Variants in NRP1 observed in about 807,000 individuals in gnomAD.
The protein encoded by NRP1 is neuropilin 1.
Under a neutral mutation model 106.7 loss-of-function variants are expected in NRP1, and 35 were observed. That is an observed-to-expected ratio of 0.33 (90% CI 0.25 to 0.43). The LOEUF (loss-of-function observed/expected upper bound fraction) is 0.43. NRP1 is among the 20% of genes least tolerant of loss of function. The pLI, the probability that NRP1 is intolerant of heterozygous loss-of-function variation, is 1.00. For synonymous variants in NRP1, 437 were observed against 417.9 expected, an observed-to-expected ratio of 1.05 and a Z score of -0.56; for missense variants, 1,024 against 1,170.4, an observed-to-expected ratio of 0.87 and a Z score of 1.83.
intron 7 of NRP1, among the ~76,000 whole-genome samples, chr10:33,224,426 A>T (rs1839497454): frequency 6.6e-6 from 1 of 151,998 alleles, no homozygotes; most frequent in African/African-American, 2.4e-5. Flanking sequence ...AAAAATGGTC[A>T]TGTTGCTATT....
At chr10:33,230,607 G>A (rs1468055127) in intron 6 of NRP1, among the ~76,000 whole-genome samples, 1 of 138,244 alleles carries the variant, frequency 7.2e-6, no homozygotes, top group African/African-American at 2.8e-5. Context: ...ATGTGTGTGT[G>A]TGTGTGTGTG....
chr10:33,271,915 A>T (rs1338369287), intron 2 of NRP1, among the ~76,000 whole-genome samples: 1 of 152,236 alleles, frequency 6.6e-6, no homozygotes, highest in Non-Finnish European at 1.5e-5. Context: ...TCTTCTTGAA[A>T]TGACATGAAA....
intron 11 of NRP1, among the ~76,000 whole-genome samples, chr10:33,198,427 C>G (rs572688704): frequency 6.6e-6 from 1 of 152,178 alleles, no homozygotes; most frequent in African/African-American, 2.4e-5. Context: ...CAGGTATGAG[C>G]CACTGTGCCC....
intron 6 of NRP1, among the ~76,000 whole-genome samples, chr10:33,250,163 A>T (rs1309479452): frequency 6.6e-6 from 1 of 152,222 alleles, no homozygotes; most frequent in Non-Finnish European, 1.5e-5. Context: ...GGTTCTTGTG[A>T]TTAGAGGTAC....
At chr10:33,332,268 T>C (rs1229412399) in intron 1 of NRP1, among the ~76,000 whole-genome samples, 2 of 152,342 alleles carry the variant, frequency 1.3e-5, no homozygotes, top group East Asian at 3.9e-4. Flanking sequence ...AGTGTAAGCT[T>C]TGCCAGGAAG....
At chr10:33,285,557 GGCTGGGT>G (rs1302538941) in intron 2 of NRP1, among the ~76,000 whole-genome samples, 12 of 152,242 alleles carry the variant, frequency 7.9e-5, no homozygotes, top group African/African-American at 2.6e-4. Context: ...ACAGGAAGGG[GGCTGGGT>G]GCAGTGTTGT....
At chr10:33,257,292 G>A (rs1166694317) in intron 4 of NRP1, among the ~76,000 whole-genome samples, 1 of 152,166 alleles carries the variant, frequency 6.6e-6, no homozygotes, top group Non-Finnish European at 1.5e-5. Context: ...GAAAAAAAGT[G>A]GACTTGAGGA....
chr10:33,267,825 C>A (rs557375049), intron 3 of NRP1, among the ~76,000 whole-genome samples: 2 of 152,058 alleles, frequency 1.3e-5, no homozygotes, highest in Non-Finnish European at 2.9e-5. Context: ...AGAATTAGGG[C>A]GGTCCAACAT....
intron 6 of NRP1, among the ~76,000 whole-genome samples, chr10:33,232,756 C>T (rs1840256093): frequency 1.3e-5 from 2 of 150,352 alleles, no homozygotes; most frequent in Non-Finnish European, 1.5e-5. Context: ...AATTCTCCTG[C>T]CTCAGCCTTC....
intron 4 of NRP1, 127 bp downstream of exon 4, chr10:33,263,519 T>C: frequency 1.6e-6 from 1 of 644,170 alleles, no homozygotes; most frequent in South Asian, 2.0e-5. Flanking sequence ...ATAGAGAGTT[T>C]TGCTTTGTTT....
chr10:33,256,006 G>T (rs1395214603), intron 5 of NRP1, among the ~76,000 whole-genome samples: 1 of 152,096 alleles, frequency 6.6e-6, no homozygotes, highest in Non-Finnish European at 1.5e-5. Context: ...AGCCTTGTAT[G>T]CATTTGAGGG....
chr10:33,200,764 T>C (rs2247494), intron 11 of NRP1, among the ~76,000 whole-genome samples: 66,459 of 152,126 alleles, frequency 0.44, 14,874 homozygotes, highest in East Asian at 0.74. Flanking sequence ...GGTTTTTGCC[T>C]CTTGCAAACA....
chr10:33,309,388 G>A (rs938409560), intron 2 of NRP1, among the ~76,000 whole-genome samples: 4 of 152,156 alleles, frequency 2.6e-5, no homozygotes. Context: ...ATCTTGCTTC[G>A]AATGTCTTAG....
intron 1 of NRP1, among the ~76,000 whole-genome samples, chr10:33,332,419 C>T (rs112335511): frequency 1.5e-4 from 23 of 152,336 alleles, no homozygotes; most frequent in African/African-American, 5.5e-4. Context: ...TTTCCTCTAG[C>T]TCTGGACAAA....
chr10:33,189,048 T>C (rs1046930916), intron 13 of NRP1, among the ~76,000 whole-genome samples: 2 of 151,368 alleles, frequency 1.3e-5, no homozygotes, highest in African/African-American at 4.9e-5. Flanking sequence ...GCCCCTCCAA[T>C]GGACCTTTTA....
At chr10:33,206,645 C>T (rs185340612) in intron 10 of NRP1, among the ~76,000 whole-genome samples, 36 of 152,280 alleles carry the variant, frequency 2.4e-4, no homozygotes, top group Non-Finnish European at 4.4e-5. Flanking sequence ...CATATATGCT[C>T]GGTTGATTAA....
intron 7 of NRP1, among the ~76,000 whole-genome samples, chr10:33,225,812 C>T (rs186322816): frequency 1.3e-3 from 197 of 152,262 alleles, no homozygotes; most frequent in African/African-American, 4.5e-3. Flanking sequence ...CAACAAAACC[C>T]CAAATTCCTA....
intron 2 of NRP1, among the ~76,000 whole-genome samples, chr10:33,317,409 C>T (rs527875263): frequency 2.1e-4 from 32 of 152,290 alleles, no homozygotes; most frequent in African/African-American, 7.7e-4. Flanking sequence ...GGTCAAAGGA[C>T]AGGGGATACT....
At chr10:33,326,527 T>C (rs1161895686) in intron 2 of NRP1, among the ~76,000 whole-genome samples, 1 of 152,148 alleles carries the variant, frequency 6.6e-6, no homozygotes, top group African/African-American at 2.4e-5. Context: ...AATCTAATAA[T>C]AAAATCATGC....
Sources: gnomAD v4.1 joint callset for allele counts (sites outside exome capture counted in the v4.1 genomes callset) on GRCh38, gnomAD v4.1.1 for gene constraint, MANE v1.5 for transcripts, NCBI Gene and HGNC (gene_info 2026-07-23, HGNC 2026-07-21) for gene names.